The following DSG3 variants were observed in gnomAD, a reference collection of about 807,000 sequenced individuals.
DSG3 encodes desmoglein 3.
In DSG3, 63 loss-of-function variants were observed where a neutral mutation model predicts 85.9. That is an observed-to-expected ratio of 0.73 (90% CI 0.60 to 0.90). The LOEUF is 0.90. Ranked by LOEUF, DSG3 falls within the 40% of genes least tolerant of loss-of-function variation. The pLI, the probability that DSG3 is intolerant of heterozygous loss-of-function variation, is 0.00. For synonymous variants in DSG3, 447 were observed against 441.9 expected (o/e 1.01, Z -0.14); for missense variants, 1,220 against 1,219.9 (o/e 1.00, Z 0.00).
intron 11 of DSG3, among the ~76,000 whole-genome samples, chr18:31,468,741 G>A (rs1239674805): frequency 6.6e-6 from 1 of 152,180 alleles, no homozygotes; most frequent in African/African-American, 2.4e-5. Flanking sequence ...GGTGAGACCT[G>A]TAAGAGGAAA....
At position 31,451,806 on chromosome 18, in the gene DSG3, T is replaced by C. The variant is rs1251611862; in HGVS notation, c.48+3881T>C. Among the ~76,000 whole-genome samples the C allele has an allele frequency of 3.3e-5, 5 of 152,228 alleles. No individual in the cohort carries two copies. In the East Asian group the frequency reaches 9.6e-4, roughly 29 times the overall value. Reference sequence around the variant, plus strand: ...TTCATACCTGAAACCGGTTTTCATCTGGAACTAGAACACTCAGTGCTCATG... The same window carrying C: ...TTCATACCTGAAACCGGTTTTCATCCGGAACTAGAACACTCAGTGCTCATG... On this transcript the variant is annotated intron_variant, in intron 1 of 15. Coordinates refer to ENST00000257189, the MANE Select transcript of DSG3 (RefSeq NM_001944.3).
At chr18:31,471,363 C>G (rs2072854333) in intron 12 of DSG3, among the ~76,000 whole-genome samples, 2 of 152,186 alleles carry the variant, frequency 1.3e-5, no homozygotes, top group South Asian at 4.1e-4. Context: ...TTTATTCCCC[C>G]ATTTTATGGA....
rs1277194821 is a variant in DSG3, at chr18:31,476,345, T to G, written c.*85T>G. The G allele has an allele frequency of 2.0e-6, 3 of 1,484,576 alleles. No homozygotes were observed. In the African/African-American group the frequency reaches 4.2e-5, roughly 21 times the overall value. The allele number at this position is 1,484,576 out of a possible 1,614,324, so 92.0% of individuals were successfully genotyped here. A position where few individuals can be genotyped will look rare whatever the true frequency, so the allele number is the denominator to read the frequency against. ...AATAGCATAGCAAAGCTCACTGTAT[T>G]GGGCTAATAATTTGGCACTTATTAG... On this transcript the variant is annotated 3_prime_UTR_variant, in exon 16 of 16. Coordinates refer to ENST00000257189, the MANE Select transcript of DSG3 (RefSeq NM_001944.3).
intron 11 of DSG3, among the ~76,000 whole-genome samples, chr18:31,468,523 G>A (rs978290630): frequency 5.9e-5 from 9 of 152,308 alleles, no homozygotes; most frequent in Admixed American, 3.9e-4. Flanking sequence ...AGAGGACAAG[G>A]AGGCAGGTGT....
intron 4 of DSG3, 101 bp from the exon 5 acceptor site, chr18:31,458,932 C>T (rs1223202793): frequency 3.6e-6 from 5 of 1,402,036 alleles, no homozygotes; most frequent in Non-Finnish European, 4.9e-6. Flanking sequence ...CTTCTTTGCA[C>T]AAAAGTGATG....
At chr18:31,456,682 A>T (rs1176201013) in intron 2 of DSG3, among the ~76,000 whole-genome samples, 3 of 152,180 alleles carry the variant, frequency 2.0e-5, no homozygotes, top group Non-Finnish European at 4.4e-5. Flanking sequence ...TATTTCATGC[A>T]TTCTTTTCTT....
In DSG3 at chr18:31,448,377, G is replaced by A. The variant is rs970847843; in HGVS notation, c.48+452G>A. ...GACACGCTTTTAAAAGTAAAAAATC[G>A]CAGAATTAAAATCAAAGCAGTGTTT... On this transcript the variant is annotated intron_variant, in intron 1 of 15. Transcript: ENST00000257189. Among the ~76,000 whole-genome samples, 25 of 152,206 alleles carry A rather than the reference G, an allele frequency of 1.6e-4. 1 individual carries two copies. The highest frequency in any genetic ancestry group is 1.6e-3 in the Admixed American group (24 of 15,294).
In DSG3 at chr18:31,477,623, A is replaced by T. The variant is rs2072897178; in HGVS notation, c.*1363A>T. 6.6e-6 allele frequency: 1 copy of T among 152,240 alleles called. No individual in the cohort carries two copies. 9.4% of individuals were successfully genotyped at this position (152,240 alleles called of 1,614,324 possible). A position where few individuals can be genotyped will look rare whatever the true frequency, so the allele number is the denominator to read the frequency against. ...GCTTTTAAATTAAACAGCTACAGCC[A>T]TTTAAGCCTTGAGGATAATAAAGCT... On this transcript the variant is annotated 3_prime_UTR_variant, in exon 16 of 16. Transcript: ENST00000257189.
At chr18:31,474,816 A>C (rs1237477154) in intron 15 of DSG3, among the ~76,000 whole-genome samples, 2 of 152,238 alleles carry the variant, frequency 1.3e-5, no homozygotes, top group Non-Finnish European at 2.9e-5. Context: ...GAGAGCATAT[A>C]GCAAGTAGTA....
chr18:31,456,691 T>C (rs548458329), intron 2 of DSG3, among the ~76,000 whole-genome samples: 60 of 152,338 alleles, frequency 3.9e-4, no homozygotes, highest in Non-Finnish European at 1.2e-4. Context: ...CATTCTTTTC[T>C]TCTTATCTTA....
chr18:31,461,529 A>C, intron 8 of DSG3, 117 bp downstream of exon 8: 1 of 1,026,422 alleles, frequency 9.7e-7, no homozygotes, highest in Non-Finnish European at 1.4e-6. Context: ...AACACATAAA[A>C]GTAGATTGAA....
At chr18:31,454,883 T>C (rs1011446553) in intron 1 of DSG3, among the ~76,000 whole-genome samples, 6 of 151,768 alleles carry the variant, frequency 4.0e-5, no homozygotes, top group Non-Finnish European at 7.4e-5. Flanking sequence ...CTGTAATCCC[T>C]GTTACTCGGG....
At position 31,459,082 on chromosome 18, in the gene DSG3, T is replaced by C. The variant is rs2072767330; in HGVS notation, c.422T>C (p.Leu141Pro). Residue 141 changes from leucine (L) to proline (P), a missense_variant, in exon 5 of 16, where the codon CTT becomes CCT. By Grantham distance (98) the Leu-to-Pro change is moderately conservative. Transcript: ENST00000257189. ...NAQGLDVEKPLILTVKILDIN... is the reference protein window; with the variant it reads ...NAQGLDVEKPPILTVKILDIN... ...CAAGGACTAGATGTAGAGAAACCACTTATACTAACGGTTAAAATTTTGGAT... is the reference window on the plus strand; with the variant it reads ...CAAGGACTAGATGTAGAGAAACCACCTATACTAACGGTTAAAATTTTGGAT... 6 of 1,613,790 alleles carry C rather than the reference T, an allele frequency of 3.7e-6. No homozygotes were observed. The highest frequency in any genetic ancestry group is 5.1e-6 in the Non-Finnish European group (6 of 1,179,944).
intron 1 of DSG3, among the ~76,000 whole-genome samples, chr18:31,455,878 T>C (rs16961955): frequency 0.04 from 6,165 of 152,324 alleles, 387 homozygotes; most frequent in African/African-American, 0.14. Context: ...GAATAGCATA[T>C]CCTCATCTTT....
chr18:31,463,593 A>G (rs1160703045), intron 8 of DSG3, among the ~76,000 whole-genome samples: 1 of 152,208 alleles, frequency 6.6e-6, no homozygotes, highest in African/African-American at 2.4e-5. Flanking sequence ...AAGAATTTTT[A>G]AAGTCAGGAA....
In DSG3 at chr18:31,460,763, G is replaced by C. The variant is rs563584163; in HGVS notation, c.685-70G>C. On this transcript the variant is annotated intron_variant, in intron 6 of 15. Transcript: ENST00000257189. ...GAATATTTCTACCTCCTTACCCATA[G>C]GAATCAAGTAGTTTCCATTTATAAT... 4.4e-6 allele frequency: 6 copies of C among 1,354,178 alleles called. No homozygotes were observed. In the Admixed American group the frequency reaches 7.6e-5, roughly 17 times the overall value. The allele number at this position is 1,354,178 out of a possible 1,614,324, so 83.9% of individuals were successfully genotyped here.
chr18:31,464,465 G>A, intron 9 of DSG3, 83 bp downstream of exon 9: 1 of 1,402,278 alleles, frequency 7.1e-7, no homozygotes, highest in East Asian at 2.4e-5. Flanking sequence ...AAACTATTAT[G>A]TGCCAAGAAT....
In DSG3 at chr18:31,459,039, T is replaced by C; in HGVS notation, c.379T>C (p.Cys127Arg). 4 of 1,613,408 alleles carry C rather than the reference T, an allele frequency of 2.5e-6. No homozygotes were observed. Among genetic ancestry groups the C allele is most frequent in the Non-Finnish European group, 3.4e-6 (4 of 1,179,838 alleles). ...ATTTTCCCTCTGTTCCTAGATCACA[T>C]GTCGGGCTCTAAATGCCCAAGGACT... ...REETPSFLIT[C>R]RALNAQGLDV... The change falls in exon 5 of 16, where the codon TGT becomes CGT. Residue 127 changes from cysteine to arginine, a missense_variant. By Grantham distance (180) the Cys-to-Arg change is radical (BLOSUM62 -3). Coordinates refer to ENST00000257189, the MANE Select transcript of DSG3 (RefSeq NM_001944.3).
At chr18:31,459,431 A>G (rs981934713) in intron 5 of DSG3, among the ~76,000 whole-genome samples, 5 of 152,226 alleles carry the variant, frequency 3.3e-5, no homozygotes, top group Non-Finnish European at 7.3e-5. Flanking sequence ...TACAATTTAT[A>G]TGAGCATTTG....
Sources: gnomAD v4.1 joint callset for allele counts (sites outside exome capture counted in the v4.1 genomes callset) on GRCh38, gnomAD v4.1.1 for gene constraint, MANE v1.5 for transcripts, NCBI Gene and HGNC (gene_info 2026-07-23, HGNC 2026-07-21) for gene names.